The following MRRF variants were observed in gnomAD, a reference collection of about 807,000 sequenced individuals.
MRRF encodes mitochondrial ribosome recycling factor.
MRRF carries 18 observed loss-of-function variants against 25.1 expected under a neutral mutation model. The ratio of observed to expected loss-of-function variants is 0.72; its 90% confidence interval spans 0.50 to 1.06. The LOEUF (loss-of-function observed/expected upper bound fraction) is 1.06. Among genes scored for constraint, MRRF ranks in the 50% least tolerant of loss-of-function variants. MRRF has a pLI of 0.00. For missense variants in MRRF, 323 were observed against 319.3 expected, an observed-to-expected ratio of 1.01 and a Z score of -0.09; for synonymous variants, 113 against 112.1, an observed-to-expected ratio of 1.01 and a Z score of -0.05.
intron 3 of MRRF, among the ~76,000 whole-genome samples, chr9:122,282,141 T>G (rs1045225824): frequency 3.9e-5 from 6 of 152,146 alleles, no homozygotes; most frequent in Admixed American, 6.5e-5. Context: ...AGACTAAACT[T>G]AACTAGTCTC....
At chr9:122,318,936 C>G (rs1425027196) in intron 6 of MRRF, among the ~76,000 whole-genome samples, 1 of 152,044 alleles carries the variant, frequency 6.6e-6, no homozygotes, top group Non-Finnish European at 1.5e-5. Flanking sequence ...AATTGTTCGC[C>G]CTGTTTCTTT....
At chr9:122,281,199 T>C (rs1833076395) in intron 3 of MRRF, among the ~76,000 whole-genome samples, 1 of 152,202 alleles carries the variant, frequency 6.6e-6, no homozygotes, top group Non-Finnish European at 1.5e-5. Flanking sequence ...ATGTCAGAAC[T>C]GTCTAGGCCA....
intron 5 of MRRF, among the ~76,000 whole-genome samples, chr9:122,313,000 C>G (rs1286763215): frequency 6.6e-6 from 1 of 152,188 alleles, no homozygotes; most frequent in Non-Finnish European, 1.5e-5. Flanking sequence ...TCCCAGTTCT[C>G]TCACTGGGAA....
chr9:122,286,565 TAGTG>T (rs1833420043), intron 4 of MRRF, among the ~76,000 whole-genome samples: 1 of 151,774 alleles, frequency 6.6e-6, no homozygotes, highest in Admixed American at 6.6e-5. Flanking sequence ...ATAAAAAAAT[TAGTG>T]AGGTGTGATG....
At chr9:122,305,148 C>T (rs1834753441) in intron 5 of MRRF, among the ~76,000 whole-genome samples, 1 of 152,076 alleles carries the variant, frequency 6.6e-6, no homozygotes, top group Non-Finnish European at 1.5e-5. Flanking sequence ...CTCTCTCTCA[C>T]ACTTGTAATC....
chr9:122,273,381 A>G (rs1832579254), intron 2 of MRRF, among the ~76,000 whole-genome samples: 1 of 151,258 alleles, frequency 6.6e-6, no homozygotes, highest in East Asian at 2.0e-4. Flanking sequence ...GGTCAAGGCT[A>G]CAGTGAGCCA....
Position 122,330,102 on chromosome 9 carries a change from C to G in MRRF, c.*7485C>G, listed in dbSNP as rs568055462. 122 of 152,540 alleles carry G rather than the reference C, an allele frequency of 8.0e-4. No homozygotes were observed. Among genetic ancestry groups the G allele is most frequent in the African/African-American group, 2.8e-3 (116 of 41,578 alleles). 9.4% of individuals were successfully genotyped at this position (152,540 alleles called of 1,614,324 possible). A position where few individuals can be genotyped will look rare whatever the true frequency, so the allele number is the denominator to read the frequency against. ...CAAGGCCACTGGCATCTACTGTACT[C>G]CCCTCCCACCGGCGCTTCCCTTTGC... On this transcript the variant is annotated 3_prime_UTR_variant, in exon 7 of 7. Transcript: ENST00000344641. This position sits in a 1 kb window ranked among gnomAD's most constrained non-coding sequence, Gnocchi z 4.2.
chr9:122,305,924 C>A (rs1834813223), intron 5 of MRRF, among the ~76,000 whole-genome samples: 2 of 152,230 alleles, frequency 1.3e-5, no homozygotes, highest in Non-Finnish European at 2.9e-5. Flanking sequence ...ATTGTGCCAA[C>A]TGTTGTTCCA....
chr9:122,289,723 G>T (rs981319695), intron 4 of MRRF, among the ~76,000 whole-genome samples: 14 of 150,546 alleles, frequency 9.3e-5, no homozygotes, highest in African/African-American at 3.4e-4. Context: ...AATTAAATTT[G>T]GCTATTTAAG....
intron 6 of MRRF, among the ~76,000 whole-genome samples, chr9:122,321,781 A>G (rs1451004630): frequency 1.3e-5 from 2 of 151,526 alleles, no homozygotes; most frequent in Non-Finnish European, 2.9e-5. Flanking sequence ...TGGGATCTTA[A>G]TATTCTTCTT....
Position 122,322,803 on chromosome 9 carries a change from C to T in MRRF, c.*186C>T, listed in dbSNP as rs1171838154. 1 of 670,118 alleles carries T rather than the reference C, an allele frequency of 1.5e-6. No homozygotes were observed. Among genetic ancestry groups the T allele is most frequent in the Admixed American group, 2.2e-5 (1 of 45,356 alleles). The allele number at this position is 670,118 out of a possible 1,614,324, so 41.5% of individuals were successfully genotyped here. A position where few individuals can be genotyped will look rare whatever the true frequency, so the allele number is the denominator to read the frequency against. ...CATGTTCATTCTCTTCCTGCTTCTG[C>T]TCTGGGCCGGTGGGTGGCTCTCAGA... On this transcript the variant is annotated 3_prime_UTR_variant, in exon 7 of 7. Coordinates refer to ENST00000344641, the MANE Select transcript of MRRF (RefSeq NM_138777.5).
At chr9:122,309,390 T>G (rs1818046043) in intron 5 of MRRF, among the ~76,000 whole-genome samples, 1 of 152,208 alleles carries the variant, frequency 6.6e-6, no homozygotes, top group Non-Finnish European at 1.5e-5. Context: ...TTTGGGATAG[T>G]CTTTGCCTTC....
rs1010184720 is a variant in MRRF at position 122,326,713 on chromosome 9, C to T, written c.*4096C>T. 1.3e-5 allele frequency: 2 copies of T among 152,150 alleles called. No individual in the cohort carries two copies. The highest frequency in any genetic ancestry group is 4.8e-5 in the African/African-American group (2 of 41,408). 9.4% of individuals were successfully genotyped at this position (152,150 alleles called of 1,614,324 possible). A position where few individuals can be genotyped will look rare whatever the true frequency, so the allele number is the denominator to read the frequency against. ...CTGATAAGGTCTGCTCTTTCTCCTT[C>T]AACCTCAGGCTAACATTTATTGAAT... On this transcript the variant is annotated 3_prime_UTR_variant, in exon 7 of 7. Transcript: ENST00000344641.
intron 3 of MRRF, among the ~76,000 whole-genome samples, chr9:122,284,540 G>A (rs1387814391): frequency 6.6e-6 from 1 of 152,178 alleles, no homozygotes; most frequent in Non-Finnish European, 1.5e-5. Flanking sequence ...TTCATAGCAA[G>A]TAAATGACAG....
rs1206569403 is a variant in MRRF, at chr9:122,313,103, A to G, written c.552-124A>G. On this transcript the variant is annotated intron_variant, in intron 5 of 6. Coordinates refer to ENST00000344641, the MANE Select transcript of MRRF (RefSeq NM_138777.5). ...GCGTTTTCCTCCTCCTGGAAATTCC[A>G]GGAGTTCAGCCCACAGAGAGGAAAG... 9.9e-6 allele frequency: 10 copies of G among 1,011,176 alleles called. No homozygotes were observed. In the East Asian group the frequency reaches 2.1e-4, roughly 21 times the overall value. The allele number at this position is 1,011,176 out of a possible 1,614,324, so 62.6% of individuals were successfully genotyped here. A position where few individuals can be genotyped will look rare whatever the true frequency, so the allele number is the denominator to read the frequency against.
intron 2 of MRRF, among the ~76,000 whole-genome samples, chr9:122,275,245 A>G (rs767601644): frequency 2.6e-5 from 4 of 152,004 alleles, no homozygotes; most frequent in South Asian, 2.1e-4. Flanking sequence ...CCTTTGATTT[A>G]TATCTCTCCA....
rs182168225 is a variant in MRRF, at chr9:122,327,767, C to T, written c.*5150C>T. ...TCAGTGCTCTTAGTCTGAATTTTAT[C>T]TTGTTGTATATCAGGATTACAGCTC... is the stretch of plus-strand genomic sequence containing the variant. On this transcript the variant is annotated 3_prime_UTR_variant, in exon 7 of 7. Coordinates refer to ENST00000344641, the MANE Select transcript of MRRF (RefSeq NM_138777.5). 1.3e-5 allele frequency: 2 copies of T among 151,966 alleles called. No homozygotes were observed. Among genetic ancestry groups the T allele is most frequent in the African/African-American group, 4.8e-5 (2 of 41,510 alleles). 9.4% of individuals were successfully genotyped at this position (151,966 alleles called of 1,614,324 possible).
At chr9:122,278,340 A>G (rs1003561942) in intron 2 of MRRF, among the ~76,000 whole-genome samples, 7 of 152,340 alleles carry the variant, frequency 4.6e-5, no homozygotes, top group African/African-American at 1.4e-4. Flanking sequence ...TAGCATGTCA[A>G]AAGTCCCCTT....
At chr9:122,279,434 C>G (rs1832964484) in intron 2 of MRRF, among the ~76,000 whole-genome samples, 1 of 152,102 alleles carries the variant, frequency 6.6e-6, no homozygotes, top group African/African-American at 2.4e-5. Context: ...TTATAATATG[C>G]CACCCAAATA....
Sources: gnomAD v4.1 joint callset for allele counts (sites outside exome capture counted in the v4.1 genomes callset) on GRCh38, gnomAD v4.1.1 for gene constraint, Gnocchi (gnomAD v3.1) non-coding constraint, MANE v1.5 for transcripts, NCBI Gene and HGNC (gene_info 2026-07-23, HGNC 2026-07-21) for gene names.